RPA3: variants seen among roughly 807,000 people sequenced by gnomAD.
RPA3 encodes replication protein A 14 kDa subunit.
In RPA3, 24 loss-of-function variants were observed where a neutral mutation model predicts 13.7. The observed-to-expected ratio is 1.75, with a 90% CI of 1.27 to 2.46. RPA3 has a LOEUF of 2.46. RPA3 is among the 30% of genes most tolerant of loss of function. RPA3 has a pLI of 0.00. For synonymous variants in RPA3, 59 were observed against 51.2 expected, an observed-to-expected ratio of 1.15 and a Z score of -0.65; for missense variants, 183 against 151.0, an observed-to-expected ratio of 1.21 and a Z score of -1.11.
intron 4 of RPA3, among the ~76,000 whole-genome samples, chr7:7,681,521 A>T (rs902988567): frequency 6.6e-6 from 1 of 152,176 alleles, no homozygotes; most frequent in Non-Finnish European, 1.5e-5. Flanking sequence ...GAATAAGGGA[A>T]AAAAGTTCTT....
intron 4 of RPA3, among the ~76,000 whole-genome samples, chr7:7,643,376 C>G (rs1458840547): frequency 6.6e-6 from 1 of 152,182 alleles, no homozygotes; most frequent in East Asian, 1.9e-4. Context: ...GGCAGCCTAT[C>G]CTAAGGAAAG....
At chr7:7,683,406 A>C (rs916452008) in intron 4 of RPA3, among the ~76,000 whole-genome samples, 3 of 152,174 alleles carry the variant, frequency 2.0e-5, no homozygotes, top group African/African-American at 7.2e-5. Context: ...TTCACTCTCT[A>C]ATAATTGTAT....
rs180687674 is a variant in RPA3 at position 7,656,535 on chromosome 7, C to G, written c.-757-15360G>C. ...CCTGTGTCCATGTGTTCTCATTGCT[C>G]AACTCCCACTTATAAGTGAAAACAT... On this transcript the variant is annotated intron_variant, in intron 4 of 7. Transcript: ENST00000223129. Among the ~76,000 whole-genome samples, 3 of 152,248 alleles carry G rather than the reference C, an allele frequency of 2.0e-5. No homozygotes were observed. The East Asian group carries it at 5.8e-4, about 30-fold the overall frequency.
chr7:7,645,972 C>T (rs1038924760), intron 4 of RPA3, among the ~76,000 whole-genome samples: 9 of 152,182 alleles, frequency 5.9e-5, no homozygotes, highest in African/African-American at 2.2e-4. Context: ...CTCGTTTGCT[C>T]GGCTGCCGTG....
intron 4 of RPA3, among the ~76,000 whole-genome samples, chr7:7,667,104 C>T (rs1285672759): frequency 3.9e-5 from 6 of 152,166 alleles, no homozygotes; most frequent in East Asian, 3.9e-4. Flanking sequence ...CCACTGCGCC[C>T]GGCTGACAGG....
chr7:7,658,425 C>G (rs1332240301), intron 4 of RPA3, among the ~76,000 whole-genome samples: 1 of 152,190 alleles, frequency 6.6e-6, no homozygotes, highest in African/African-American at 2.4e-5. Flanking sequence ...TTTGCCCATT[C>G]AGTATGATAT....
intron 4 of RPA3, among the ~76,000 whole-genome samples, chr7:7,684,532 A>G (rs1457089069): frequency 6.6e-6 from 1 of 151,932 alleles, no homozygotes; most frequent in South Asian, 2.1e-4. Flanking sequence ...TTTTTTTCTG[A>G]ATAATTTTGA....
At chr7:7,713,296 A>T (rs1331104604) in intron 2 of RPA3, among the ~76,000 whole-genome samples, 1 of 152,042 alleles carries the variant, frequency 6.6e-6, no homozygotes, top group East Asian at 1.9e-4. Flanking sequence ...GTGAGCTGAG[A>T]TTGCGCCACT....
intron 2 of RPA3, among the ~76,000 whole-genome samples, chr7:7,705,371 T>A (rs1780571996): frequency 6.6e-6 from 1 of 152,212 alleles, no homozygotes; most frequent in Non-Finnish European, 1.5e-5. Context: ...TGCTTTGGAG[T>A]TTAAAAAGTA....
chr7:7,653,361 G>T (rs1176475137), intron 4 of RPA3, among the ~76,000 whole-genome samples: 1 of 152,188 alleles, frequency 6.6e-6, no homozygotes, highest in African/African-American at 2.4e-5. Context: ...CAGTGATTGA[G>T]ATCCAAATGA....
intron 4 of RPA3, among the ~76,000 whole-genome samples, chr7:7,656,532 G>A (rs1412283029): frequency 1.3e-5 from 2 of 152,032 alleles, no homozygotes; most frequent in Non-Finnish European, 2.9e-5. Flanking sequence ...TGTTCTCATT[G>A]CTCAACTCCC....
rs568429791 is a variant in RPA3 at position 7,654,704 on chromosome 7, A to T, written c.-757-13529T>A. ...GATCACTTGAGGCTAGGAGTTCGAG[A>T]CCAGCCTGGCCAATATGGTGAAACC... On this transcript the variant is annotated intron_variant, in intron 4 of 7. Transcript: ENST00000223129. Among the ~76,000 whole-genome samples, 11 of 152,244 alleles carry T rather than the reference A, an allele frequency of 7.2e-5. No individual in the cohort carries two copies. The South Asian group carries it at 2.1e-3, about 29-fold the overall frequency.
At chr7:7,661,662 C>T (rs528398423) in intron 4 of RPA3, among the ~76,000 whole-genome samples, 16 of 152,164 alleles carry the variant, frequency 1.1e-4, no homozygotes, top group East Asian at 1.9e-4. Context: ...GATTGTTGCC[C>T]GTTCCTTCCT....
At chr7:7,650,535 G>A (rs1785201153) in intron 4 of RPA3, among the ~76,000 whole-genome samples, 1 of 152,190 alleles carries the variant, frequency 6.6e-6, no homozygotes, top group Admixed American at 6.5e-5. Flanking sequence ...GTAACAGGAT[G>A]GTAGTGATGG....
intron 4 of RPA3, among the ~76,000 whole-genome samples, chr7:7,661,214 C>G (rs1227885114): frequency 6.6e-6 from 1 of 152,176 alleles, no homozygotes; most frequent in East Asian, 1.9e-4. Flanking sequence ...AGCAATTCAT[C>G]TAACCTTTTT....
At chr7:7,658,038 A>G (rs1197041770) in intron 4 of RPA3, among the ~76,000 whole-genome samples, 2 of 152,100 alleles carry the variant, frequency 1.3e-5, no homozygotes, top group Non-Finnish European at 2.9e-5. Context: ...GTCCCTTGTA[A>G]GTTGGATTCC....
intron 4 of RPA3, among the ~76,000 whole-genome samples, chr7:7,677,660 TTTTG>T (rs1466351573): frequency 3.1e-5 from 1 of 32,502 alleles, no homozygotes; most frequent in Non-Finnish European, 9.3e-5. Context: ...TCATCTGTTT[TTTTG>T]TTTTTTTTTT....
chr7:7,642,457 C>G, intron 4 of RPA3, among the ~76,000 whole-genome samples: 1 of 117,236 alleles, frequency 8.5e-6, no homozygotes, highest in Non-Finnish European at 1.8e-5. Flanking sequence ...TGGTGCGTAC[C>G]CTGTAATAGT....
intron 4 of RPA3, among the ~76,000 whole-genome samples, chr7:7,649,838 G>T (rs1785185389): frequency 6.6e-6 from 1 of 152,056 alleles, no homozygotes; most frequent in Non-Finnish European, 1.5e-5. Context: ...ACATGAATTG[G>T]ATTCATGCCC....
Sources: gnomAD v4.1 joint callset for allele counts (sites outside exome capture counted in the v4.1 genomes callset) on GRCh38, gnomAD v4.1.1 for gene constraint, MANE v1.5 for transcripts, NCBI Gene and HGNC (gene_info 2026-07-23, HGNC 2026-07-21) for gene names.